The following SHANK2 variants were observed in gnomAD, a reference collection of about 807,000 sequenced individuals.
SHANK2 encodes the protein SH3 and multiple ankyrin repeat domains 2.
In SHANK2, 43 loss-of-function variants were observed where a neutral mutation model predicts 133.7. The ratio of observed to expected loss-of-function variants is 0.32; its 90% CI spans 0.25 to 0.41. The LOEUF is 0.41. Among genes scored for constraint, SHANK2 ranks in the 10% least tolerant of loss-of-function variants. The pLI, the probability that SHANK2 is intolerant of heterozygous loss-of-function variation, is 1.00. For synonymous variants in SHANK2, 1,017 were observed against 952.8 expected (o/e 1.07, Z -1.24); for missense variants, 1,994 against 2,235.8 (o/e 0.89, Z 2.18).
intron 17 of SHANK2, among the ~76,000 whole-genome samples, chr11:70,620,275 C>T (rs1370473334): frequency 5.3e-5 from 8 of 152,170 alleles, no homozygotes; most frequent in African/African-American, 1.9e-4. Context: ...GCCCGGCTGG[C>T]TCTTCTCTTT....
chr11:71,133,492 G>A (rs1405980863), intron 3 of SHANK2, among the ~76,000 whole-genome samples: 4 of 151,680 alleles, frequency 2.6e-5, no homozygotes, highest in African/African-American at 4.9e-5. Context: ...AGGGATGGAC[G>A]GACGGATGGA....
At chr11:70,762,835 C>T (rs1428485637) in intron 14 of SHANK2, among the ~76,000 whole-genome samples, 3 of 152,180 alleles carry the variant, frequency 2.0e-5, no homozygotes, top group African/African-American at 4.8e-5. Flanking sequence ...CATTTCAGCC[C>T]GGAGGAGGAG....
At chr11:71,148,084 GTTT>G (rs200702145) in intron 2 of SHANK2, among the ~76,000 whole-genome samples, 7,796 of 140,366 alleles carry the variant, frequency 0.056, 399 homozygotes, top group African/African-American at 0.15. Context: ...AAGGCTTCTT[GTTT>G]TTTTTTTTTT....
Position 70,592,531 on chromosome 11 carries a change from A to T in SHANK2, c.2061+67297T>A, listed in dbSNP as rs144741971. Among the ~76,000 whole-genome samples the T allele has an allele frequency of 6.6e-5, 10 of 151,304 alleles. No homozygotes were observed. The East Asian group carries it at 2.0e-3, about 30-fold the overall frequency. ...AGCCACGGCCAGGGGAGTCTTTCTG[A>T]AGGCCGTGCGGCATCTCGGTGGCCC... On this transcript the variant is annotated intron_variant, in intron 17 of 25. Coordinates refer to ENST00000601538, the MANE Select transcript of SHANK2 (RefSeq NM_012309.5).
At chr11:71,200,383 T>C (rs1555116894) in intron 2 of SHANK2, among the ~76,000 whole-genome samples, 3 of 152,232 alleles carry the variant, frequency 2.0e-5, no homozygotes, top group Non-Finnish European at 2.9e-5. Flanking sequence ...ATCTGACTGA[T>C]TCCAGTTTTG....
At chr11:71,098,835 C>CA (rs1951671247) in intron 6 of SHANK2, among the ~76,000 whole-genome samples, 1 of 152,164 alleles carries the variant, frequency 6.6e-6, no homozygotes, top group Non-Finnish European at 1.5e-5. Context: ...CACCACCCCC[C>CA]ACCCCGATCC....
chr11:70,904,078 T>C (rs1950063199), intron 10 of SHANK2, among the ~76,000 whole-genome samples: 1 of 152,132 alleles, frequency 6.6e-6, no homozygotes, highest in Non-Finnish European at 1.5e-5. Context: ...ACCCACCCCA[T>C]CAAGGACACC....
Position 70,807,830 on chromosome 11 carries a change from CAAAAAAAAAAAGTAAACTGTGACA to C in SHANK2, c.1494-683_1494-660del, listed in dbSNP as rs1565330442. ...GGGTGACAGAGTGAGACTCTGTCTC[CAAAAAAAAAAAGTAAACTGTGACA>C]CAGGCTACACCATGGGTGAACCTTG... On this transcript the variant is annotated intron_variant, in intron 12 of 25. Transcript: ENST00000601538. The surrounding 1 kb of genome is among the most constrained non-coding windows in gnomAD (Gnocchi z 4.8). Among the ~76,000 whole-genome samples, 1 of 139,608 alleles carries C rather than the reference CAAAAAAAAAAAGTAAACTGTGACA, an allele frequency of 7.2e-6. No homozygotes were observed. Among genetic ancestry groups the C allele is most frequent in the African/African-American group, 2.6e-5 (1 of 38,128 alleles). The allele number at this position is 139,608 out of a possible 152,430, so 91.6% of individuals were successfully genotyped here.
chr11:71,071,114 C>T (rs1006167558), intron 9 of SHANK2, among the ~76,000 whole-genome samples: 19 of 152,320 alleles, frequency 1.2e-4, no homozygotes, highest in Middle Eastern at 3.4e-3. Flanking sequence ...ATAAAATGTG[C>T]TTGCAATCTA....
chr11:70,528,090 G>A (rs996506868), intron 17 of SHANK2, among the ~76,000 whole-genome samples: 1 of 152,246 alleles, frequency 6.6e-6, no homozygotes, highest in Non-Finnish European at 1.5e-5. Flanking sequence ...CGACAAGGCA[G>A]AAGGTAGGAA....
chr11:70,550,419 T>A (rs564290413), intron 17 of SHANK2, among the ~76,000 whole-genome samples: 1 of 152,280 alleles, frequency 6.6e-6, no homozygotes, highest in African/African-American at 2.4e-5. Flanking sequence ...GGGCAGGGGA[T>A]GCTCTTCGGT....
intron 14 of SHANK2, among the ~76,000 whole-genome samples, chr11:70,789,631 GC>G (rs1177553126): frequency 1.3e-5 from 2 of 152,204 alleles, no homozygotes; most frequent in African/African-American, 4.8e-5. Flanking sequence ...GGTGCATACG[GC>G]ACAGGACATG....
At chr11:70,732,720 C>T (rs540604458) in intron 14 of SHANK2, among the ~76,000 whole-genome samples, 27 of 152,342 alleles carry the variant, frequency 1.8e-4, no homozygotes, top group Admixed American at 7.8e-4. Context: ...TGCTTCTGTC[C>T]GGTCTCTGCT....
At chr11:70,532,576 C>G (rs2059488370) in intron 17 of SHANK2, among the ~76,000 whole-genome samples, 1 of 152,022 alleles carries the variant, frequency 6.6e-6, no homozygotes, top group South Asian at 2.1e-4. Context: ...CCCAGAGCCC[C>G]TCTTCCAGGG....
chr11:70,549,901 G>C (rs1185855343), intron 17 of SHANK2, among the ~76,000 whole-genome samples: 1 of 152,222 alleles, frequency 6.6e-6, no homozygotes, highest in Non-Finnish European at 1.5e-5. Flanking sequence ...CGGTTCACTC[G>C]CAGCCACCGC....
intron 25 of SHANK2, among the ~76,000 whole-genome samples, chr11:70,475,885 T>G (rs2058656142): frequency 6.6e-6 from 1 of 152,142 alleles, no homozygotes; most frequent in Non-Finnish European, 1.5e-5. Flanking sequence ...CAGGTGAGAC[T>G]CTGAGGATTC....
intron 17 of SHANK2, among the ~76,000 whole-genome samples, chr11:70,618,229 G>A (rs564301881): frequency 6.6e-6 from 1 of 151,310 alleles, no homozygotes; most frequent in Non-Finnish European, 1.5e-5. Context: ...AGGAGGCAGA[G>A]GTTGCAGTGA....
At chr11:71,243,013 C>T (rs1275870704) in intron 1 of SHANK2, among the ~76,000 whole-genome samples, 1 of 152,112 alleles carries the variant, frequency 6.6e-6, no homozygotes, top group Non-Finnish European at 1.5e-5. Flanking sequence ...CACTTTGAAA[C>T]GAGTGAAAAA....
At chr11:71,165,518 C>A (rs1387883430) in intron 2 of SHANK2, among the ~76,000 whole-genome samples, 1 of 152,130 alleles carries the variant, frequency 6.6e-6, no homozygotes, top group African/African-American at 2.4e-5. Flanking sequence ...AGCCTCAAGG[C>A]CCCTACAGCA....
Sources: allele counts gnomAD v4.1 joint callset (sites outside exome capture counted in the v4.1 genomes callset), GRCh38; gene constraint gnomAD v4.1.1; non-coding constraint Gnocchi (gnomAD v3.1); transcripts MANE v1.5; gene names NCBI Gene and HGNC (gene_info 2026-07-23, HGNC 2026-07-21).